SEC14L5: variants seen among roughly 807,000 people sequenced by gnomAD.
The protein encoded by SEC14L5 is SEC14-like protein 5.
Under a neutral mutation model 84.6 loss-of-function variants are expected in SEC14L5, and 96 were observed. The observed-to-expected ratio is 1.13, with a 90% confidence interval of 0.96 to 1.34. The LOEUF (loss-of-function observed/expected upper bound fraction) is 1.34. Ranked by LOEUF, SEC14L5 falls within the 40% of genes most tolerant of loss-of-function variation. The pLI is 0.00. For missense variants in SEC14L5, 1,224 were observed against 942.5 expected (o/e 1.30, Z -3.91); for synonymous variants, 546 against 383.4 (o/e 1.42, Z -4.95).
intron 12 of SEC14L5, among the ~76,000 whole-genome samples, chr16:5,006,898 A>G (rs968778361): frequency 5.3e-5 from 8 of 151,848 alleles, no homozygotes; most frequent in Non-Finnish European, 1.0e-4. Context: ...CTGGCCATCT[A>G]GGGTGCCTTT....
At chr16:5,014,140 TAAAAG>T (rs1448483027) in intron 15 of SEC14L5, among the ~76,000 whole-genome samples, 1 of 152,112 alleles carries the variant, frequency 6.6e-6, no homozygotes, top group East Asian at 1.9e-4. Flanking sequence ...GAGAATGAAA[TAAAAG>T]GAACAATTCA....
In SEC14L5 at chr16:4,996,728, C is replaced by T. The variant is rs139260169; in HGVS notation, c.781-127C>T. 186 of 740,612 alleles carry T rather than the reference C, an allele frequency of 2.5e-4. No individual in the cohort carries two copies. In the Middle Eastern group the frequency reaches 4.6e-3, roughly 18 times the overall value. 45.9% of individuals were successfully genotyped at this position (740,612 alleles called of 1,614,324 possible). ...CTGGGGTTACAGGCGCACACCACCA[C>T]GCCTGGCTAATTTCTGTACTTTTTG... On this transcript the variant is annotated intron_variant, in intron 7 of 15. Coordinates refer to ENST00000251170, the MANE Select transcript of SEC14L5 (RefSeq NM_014692.2).
chr16:4,965,999 G>T (rs967928618), intron 2 of SEC14L5, among the ~76,000 whole-genome samples: 3 of 152,022 alleles, frequency 2.0e-5, no homozygotes, highest in Admixed American at 1.3e-4. Context: ...CTGTGATGTT[G>T]CTACTGCAGT....
intron 5 of SEC14L5, among the ~76,000 whole-genome samples, chr16:4,991,134 T>C (rs899933107): frequency 6.6e-6 from 1 of 150,840 alleles, no homozygotes; most frequent in Non-Finnish European, 1.5e-5. Context: ...TGTGGTGAAT[T>C]ATCTGGACAA....
chr16:4,994,176 C>T (rs942821320), intron 6 of SEC14L5, among the ~76,000 whole-genome samples: 13 of 152,210 alleles, frequency 8.5e-5, no homozygotes, highest in Admixed American at 7.9e-4. Flanking sequence ...ATGTACACCA[C>T]AAATCCAGTT....
rs1471811202 is a variant in SEC14L5, at chr16:4,985,218, T to C, written c.64-2339T>C. ...AAAAATGCTTTTAAAAAATTATTATTATTATTTTATTTGTTTATTTTTTTG... is the reference window on the plus strand; with the variant it reads ...AAAAATGCTTTTAAAAAATTATTATCATTATTTTATTTGTTTATTTTTTTG... On this transcript the variant is annotated intron_variant, in intron 2 of 15. Coordinates refer to ENST00000251170, the MANE Select transcript of SEC14L5 (RefSeq NM_014692.2). Among the ~76,000 whole-genome samples the C allele has an allele frequency of 2.0e-5, 3 of 152,114 alleles. No homozygotes were observed. The East Asian group carries it at 5.8e-4, about 29-fold the overall frequency.
In SEC14L5 at chr16:5,000,863, C is replaced by T. The variant is rs777362148; in HGVS notation, c.1068C>T (p.Ser356=). The T allele has an allele frequency of 8.7e-6, 14 of 1,605,054 alleles. No homozygotes were observed. Among genetic ancestry groups the T allele is most frequent in the East Asian group, 4.5e-5 (2 of 44,524 alleles). Residue 356 remains serine (S), a synonymous_variant, in exon 10 of 16, where the codon TCC becomes TCT. Transcript: ENST00000251170. ...GEEALLRHVL[S]VNEEGQKRCE... ...CTGTCTCTCCCTTCCAGGTTCTCTC[C>T]GTCAACGAGGAAGGACAGAAGCGGT...
At chr16:5,012,002 G>A (rs1210412600) in intron 15 of SEC14L5, among the ~76,000 whole-genome samples, 1 of 152,204 alleles carries the variant, frequency 6.6e-6, no homozygotes, top group Non-Finnish European at 1.5e-5. Flanking sequence ...TAAAAATGAT[G>A]CTTTAAATTC....
chr16:4,980,697 G>A (rs371430165), intron 2 of SEC14L5, among the ~76,000 whole-genome samples: 1 of 152,272 alleles, frequency 6.6e-6, no homozygotes, highest in East Asian at 1.9e-4. Context: ...CACGATAAAC[G>A]CTTTCAAAGA....
chr16:4,993,542 G>A lies in SEC14L5; in HGVS notation c.667+1512G>A, dbSNP rs115583824. Among the ~76,000 whole-genome samples the A allele has an allele frequency of 8.6e-3, 1,317 of 152,310 alleles. 22 individuals carry two copies. The highest frequency in any genetic ancestry group is 0.03 in the African/African-American group (1,253 of 41,566). On this transcript the variant is annotated intron_variant, in intron 6 of 15. Transcript: ENST00000251170. ...CATGTGAGCCACTGCCCATGGCCTT[G>A]ATTATTTTGAATTAGTCTATTTAGC... is the stretch of plus-strand genomic sequence containing the variant.
intron 8 of SEC14L5, among the ~76,000 whole-genome samples, chr16:4,999,384 C>T (rs994697345): frequency 6.6e-6 from 1 of 152,146 alleles, no homozygotes; most frequent in African/African-American, 2.4e-5. Context: ...GCTGGAGGAT[C>T]GCTTAAGCCC....
intron 13 of SEC14L5, among the ~76,000 whole-genome samples, chr16:5,008,035 G>A (rs780456005): frequency 1.3e-4 from 19 of 151,602 alleles, no homozygotes; most frequent in Non-Finnish European, 2.1e-4. Flanking sequence ...AGCCTCCCGA[G>A]TAGCTGGGAT....
In SEC14L5 at chr16:4,996,342, TC is replaced by T; in HGVS notation, c.668-4del. ...CTTGTCCTGAAGCTCCCCCTTCTCC[TC>T]CAAGGGGACAAGCTGGATGCGGACT... On this transcript the variant is annotated splice_region_variant and splice_polypyrimidine_tract_variant and intron_variant, in intron 6 of 15. Coordinates refer to ENST00000251170, the MANE Select transcript of SEC14L5 (RefSeq NM_014692.2). 6.5e-7 allele frequency: 1 copy of T among 1,530,912 alleles called. No homozygotes were observed. The highest frequency in any genetic ancestry group is 8.9e-7 in the Non-Finnish European group (1 of 1,127,756). 94.8% of individuals were successfully genotyped at this position (1,530,912 alleles called of 1,614,324 possible).
chr16:5,012,605 T>C (rs2013059), intron 15 of SEC14L5, among the ~76,000 whole-genome samples: 135,435 of 152,296 alleles, frequency 0.89, 60,434 homozygotes, highest in East Asian at 0.99. Flanking sequence ...TTCCACACTG[T>C]GAGAAAGAAC....
At chr16:4,970,403 T>G (rs116067845) in intron 2 of SEC14L5, among the ~76,000 whole-genome samples, 2,556 of 152,262 alleles carry the variant, frequency 0.017, 100 homozygotes, top group African/African-American at 0.059. Flanking sequence ...ACTAGCTTAA[T>G]GGGACCCCAG....
chr16:4,959,132 T>G, intron 1 of SEC14L5, 141 bp from the exon 2 acceptor site: 1 of 602,902 alleles, frequency 1.7e-6, no homozygotes, highest in East Asian at 2.8e-5. Flanking sequence ...CTGGAGTAAT[T>G]TGGGGGGAAT....
chr16:5,012,640 C>G lies in SEC14L5; in HGVS notation c.1979+1367C>G, dbSNP rs540766802. Among the ~76,000 whole-genome samples, 3 of 152,358 alleles carry G rather than the reference C, an allele frequency of 2.0e-5. No homozygotes were observed. The East Asian group carries it at 5.8e-4, about 29-fold the overall frequency. The stretch of plus-strand genomic sequence containing the variant: ...CTACCTGAGGCCGGGTGTGGTGGCT[C>G]ACGCCTGTAATCCCAGCACTTTGGG... On this transcript the variant is annotated intron_variant, in intron 15 of 15. Transcript: ENST00000251170.
intron 2 of SEC14L5, among the ~76,000 whole-genome samples, chr16:4,969,687 T>A (rs928137989): frequency 1.3e-5 from 2 of 152,186 alleles, no homozygotes; most frequent in African/African-American, 4.8e-5. Flanking sequence ...ACCGGCCTGA[T>A]CTGGTACTTT....
At chr16:5,009,506 T>C (rs1333833315) in intron 14 of SEC14L5, among the ~76,000 whole-genome samples, 1 of 151,988 alleles carries the variant, frequency 6.6e-6, no homozygotes, top group Non-Finnish European at 1.5e-5. Flanking sequence ...GTATTTTTTG[T>C]AGAGATGGGG....
Sources: gnomAD v4.1 joint callset for allele counts (sites outside exome capture counted in the v4.1 genomes callset) on GRCh38, gnomAD v4.1.1 for gene constraint, MANE v1.5 for transcripts, NCBI Gene and HGNC (gene_info 2026-07-23, HGNC 2026-07-21) for gene names.